The following PIGL variants were observed in gnomAD, a reference collection of about 807,000 sequenced individuals.
PIGL encodes the protein N-acetylglucosaminyl-phosphatidylinositol de-N-acetylase.
Under a neutral mutation model 31.1 loss-of-function variants are expected in PIGL, and 22 were observed. The ratio of observed to expected loss-of-function variants is 0.71; its 90% CI spans 0.51 to 1.01. The LOEUF (loss-of-function observed/expected upper bound fraction) is 1.01. Among genes scored for constraint, PIGL ranks in the 50% least tolerant of loss-of-function variants. PIGL has a pLI of 0.00. For synonymous variants in PIGL, 131 were observed against 117.4 expected (o/e 1.12, Z -0.75); for missense variants, 302 against 315.9 (o/e 0.96, Z 0.33).
chr17:16,254,949 C>G (rs1013929972), intron 2 of PIGL, among the ~76,000 whole-genome samples: 1 of 152,122 alleles, frequency 6.6e-6, no homozygotes, highest in Admixed American at 6.5e-5. Flanking sequence ...TTTGAACCCT[C>G]GATATATAAT....
chr17:16,300,829 A>G (rs1438194201), intron 3 of PIGL, among the ~76,000 whole-genome samples: 4 of 152,208 alleles, frequency 2.6e-5, no homozygotes, highest in South Asian at 2.1e-4. Context: ...ATGAGAATGC[A>G]TTCATACCCA....
At chr17:16,217,602 C>T in intron 1 of PIGL, 141 bp downstream of exon 1, 2 of 677,618 alleles carry the variant, frequency 3.0e-6, no homozygotes, top group Admixed American at 2.8e-5. Context: ...GAACCCCTCA[C>T]AGCCTAGGGA....
intron 3 of PIGL, chr17:16,312,813 CG>C (rs2093059852): frequency 6.4e-6 from 1 of 156,512 alleles, no homozygotes; most frequent in Admixed American, 6.6e-5. Context: ...CGCAGGCACT[CG>C]GCAGGCTGAG....
intron 2 of PIGL, among the ~76,000 whole-genome samples, chr17:16,285,091 G>T (rs1277036227): frequency 1.3e-5 from 2 of 151,992 alleles, no homozygotes; most frequent in Non-Finnish European, 2.9e-5. Context: ...AAAAGGCTGA[G>T]ATTACAGGGG....
chr17:16,237,076 T>C (rs1209351047), intron 2 of PIGL, among the ~76,000 whole-genome samples: 1 of 148,366 alleles, frequency 6.7e-6, no homozygotes, highest in Admixed American at 6.7e-5. Context: ...TAACTGGGAC[T>C]ACAGGCACTC....
intron 2 of PIGL, among the ~76,000 whole-genome samples, chr17:16,273,622 G>A (rs558047383): frequency 9.6e-6 from 1 of 104,682 alleles, no homozygotes; most frequent in South Asian, 2.5e-4. Context: ...AGGGGAAATT[G>A]AGAGGAGATA....
rs575314920 is a variant in PIGL at position 16,251,725 on chromosome 17, C to G, written c.335+17655C>G. Among the ~76,000 whole-genome samples, 6 of 151,434 alleles carry G rather than the reference C, an allele frequency of 4.0e-5. No homozygotes were observed. The South Asian group carries it at 1.3e-3, about 32-fold the overall frequency. ...GCACAGATGTTAACAGATACCTATT[C>G]AGTACCTAGAATGACACTGTGCTAG... On this transcript the variant is annotated intron_variant, in intron 2 of 6. Transcript: ENST00000225609.
intron 2 of PIGL, among the ~76,000 whole-genome samples, chr17:16,267,485 T>A (rs1347313436): frequency 6.6e-6 from 1 of 152,076 alleles, no homozygotes; most frequent in Non-Finnish European, 1.5e-5. Flanking sequence ...TCAAACGTGT[T>A]GTTCAAGGGT....
chr17:16,295,448 G>C (rs1005249193), intron 2 of PIGL, among the ~76,000 whole-genome samples: 2 of 149,366 alleles, frequency 1.3e-5, no homozygotes, highest in Admixed American at 1.3e-4. Flanking sequence ...TAAAATACTA[G>C]TAAAATAAAA....
chr17:16,304,870 C>A (rs765021991), intron 3 of PIGL, among the ~76,000 whole-genome samples: 2 of 152,166 alleles, frequency 1.3e-5, no homozygotes, highest in East Asian at 1.9e-4. Context: ...AGCACTATTG[C>A]GCATTTGAGA....
intron 4 of PIGL, among the ~76,000 whole-genome samples, chr17:16,315,878 A>G (rs888946946): frequency 4.6e-5 from 7 of 150,956 alleles, no homozygotes; most frequent in Admixed American, 1.3e-4. Context: ...TTGTATTTTT[A>G]TTAGAGACGG....
At chr17:16,314,777 T>C (rs2093068789) in intron 4 of PIGL, among the ~76,000 whole-genome samples, 1 of 152,092 alleles carries the variant, frequency 6.6e-6, no homozygotes, top group Admixed American at 6.6e-5. Context: ...CAGTCTGAAA[T>C]ACAAATTTTT....
At chr17:16,296,878 G>A (rs1022696855) in intron 2 of PIGL, among the ~76,000 whole-genome samples, 62 of 151,598 alleles carry the variant, frequency 4.1e-4, no homozygotes, top group Non-Finnish European at 4.9e-4. Flanking sequence ...CACCACGCCC[G>A]GCTAATTTTT....
intron 2 of PIGL, among the ~76,000 whole-genome samples, chr17:16,243,891 T>C (rs992099386): frequency 6.6e-6 from 1 of 152,240 alleles, no homozygotes; most frequent in South Asian, 2.1e-4. Flanking sequence ...AGAGTTTTAC[T>C]GTTACTCAAA....
intron 2 of PIGL, among the ~76,000 whole-genome samples, chr17:16,268,433 TTTTTG>T (rs553991367): frequency 3.9e-5 from 6 of 152,102 alleles, no homozygotes; most frequent in African/African-American, 1.4e-4. Context: ...TATTAGGTGT[TTTTTG>T]TTTTGTTTTG....
chr17:16,296,504 G>A (rs994091825), intron 2 of PIGL, among the ~76,000 whole-genome samples: 8 of 151,672 alleles, frequency 5.3e-5, no homozygotes, highest in African/African-American at 1.9e-4. Context: ...CAGCTACTGG[G>A]GAGGCTGAGG....
chr17:16,323,168 A>G (rs1165071613), intron 6 of PIGL, among the ~76,000 whole-genome samples: 1 of 152,098 alleles, frequency 6.6e-6, no homozygotes, highest in African/African-American at 2.4e-5. Context: ...TCACTAATTC[A>G]GTGTTTTCAG....
rs897252652 is a variant in PIGL, at chr17:16,232,927, G to A, written c.236-1044G>A. Reference sequence around the variant, plus strand: ...AAGGTCAGGAGTTCAAGACCAGCCTGTCCAACATGGTGAAACCCCATCTCA... The same window carrying A: ...AAGGTCAGGAGTTCAAGACCAGCCTATCCAACATGGTGAAACCCCATCTCA... On this transcript the variant is annotated intron_variant, in intron 1 of 6. Transcript: ENST00000225609. Among the ~76,000 whole-genome samples the A allele has an allele frequency of 3.9e-5, 6 of 152,104 alleles. No individual in the cohort carries two copies. In the South Asian group the frequency reaches 6.2e-4, roughly 16 times the overall value.
intron 2 of PIGL, among the ~76,000 whole-genome samples, chr17:16,242,808 G>A (rs2092728732): frequency 6.6e-6 from 1 of 151,622 alleles, no homozygotes; most frequent in African/African-American, 2.4e-5. Flanking sequence ...AGTAAAGATG[G>A]GGTTTCACCA....
Sources: gnomAD v4.1 joint callset for allele counts (sites outside exome capture counted in the v4.1 genomes callset) on GRCh38, gnomAD v4.1.1 for gene constraint, MANE v1.5 for transcripts, NCBI Gene and HGNC (gene_info 2026-07-23, HGNC 2026-07-21) for gene names.